The following PRL variants were observed in gnomAD, a reference collection of about 807,000 sequenced individuals.
PRL encodes the protein decidual prolactin.
Under a neutral mutation model 21.3 loss-of-function variants are expected in PRL, and 24 were observed. The observed-to-expected ratio is 1.13, with a 90% CI of 0.82 to 1.59. The LOEUF is 1.59. PRL is among the 40% of genes most tolerant of loss of function. PRL has a pLI of 0.00. For synonymous variants in PRL, 118 were observed against 115.7 expected, an observed-to-expected ratio of 1.02 and a Z score of -0.13; for missense variants, 243 against 286.9, an observed-to-expected ratio of 0.85 and a Z score of 1.10.
intron 2 of PRL, among the ~76,000 whole-genome samples, chr6:22,293,004 A>G (rs1046115873): frequency 1.3e-5 from 2 of 152,240 alleles, no homozygotes; most frequent in African/African-American, 4.8e-5. Context: ...ATCTTTCTTC[A>G]GCATTTGAGC....
chr6:22,293,783 A>AGAAGGAAGGAAGGAGGGAAG (rs1201979770), intron 2 of PRL, among the ~76,000 whole-genome samples: 13 of 129,050 alleles, frequency 1.0e-4, no homozygotes, highest in Non-Finnish European at 6.8e-5. Flanking sequence ...AGGGAAGGGA[A>AGAAGGAAGGAAGGAGGGAAG]GAAGGAAGGA....
intron 2 of PRL, 60 bp downstream of exon 2, chr6:22,294,349 A>G: frequency 1.9e-6 from 3 of 1,594,584 alleles, no homozygotes; most frequent in South Asian, 2.2e-5. Context: ...AACATGTAGC[A>G]GAGCCCAGTA....
chr6:22,289,241 C>G (rs57440488), intron 4 of PRL, among the ~76,000 whole-genome samples: 1,617 of 152,132 alleles, frequency 0.011, 30 homozygotes, highest in African/African-American at 0.037. Flanking sequence ...ATATTTTTCT[C>G]GCATGAAAAT....
At chr6:22,299,404 C>T (rs537809254), upstream of PRL, among the ~76,000 whole-genome samples, 10 of 152,280 alleles carry the variant, frequency 6.6e-5, no homozygotes, top group Non-Finnish European at 7.4e-5. Context: ...TTCTAAAGAA[C>T]GCTAGTTTTT....
intron 4 of PRL, 36 bp downstream of exon 4, chr6:22,290,138 A>T: frequency 6.7e-7 from 1 of 1,494,500 alleles, no homozygotes. Context: ...GCTTATATTA[A>T]TGAGAAAAAC....
upstream of PRL, among the ~76,000 whole-genome samples, chr6:22,300,778 C>A (rs924798639): frequency 2.6e-5 from 4 of 152,122 alleles, no homozygotes; most frequent in East Asian, 3.9e-4. Flanking sequence ...AATAAGAAAA[C>A]CATAGTGGAA....
intron 1 of PRL, among the ~76,000 whole-genome samples, chr6:22,296,224 G>A (rs1761169659): frequency 6.6e-6 from 1 of 152,160 alleles, no homozygotes; most frequent in Admixed American, 6.5e-5. Context: ...AGATAAAATA[G>A]ACACATGTTT....
chr6:22,295,983 C>G (rs939668616), intron 1 of PRL, among the ~76,000 whole-genome samples: 23 of 152,140 alleles, frequency 1.5e-4, no homozygotes, highest in Non-Finnish European at 2.2e-4. Flanking sequence ...CTATTATAGA[C>G]TTTTAATTTT....
chr6:22,300,553 C>A (rs961115328), upstream of PRL, among the ~76,000 whole-genome samples: 1 of 152,172 alleles, frequency 6.6e-6, no homozygotes, highest in Non-Finnish European at 1.5e-5. Context: ...TAGGGTGCTG[C>A]CTCATTCATT....
chr6:22,296,621 T>G (rs929057614), intron 1 of PRL, among the ~76,000 whole-genome samples: 1 of 152,242 alleles, frequency 6.6e-6, no homozygotes, highest in Non-Finnish European at 1.5e-5. Context: ...TTCCTTGTTC[T>G]GGGGGCTGTC....
In PRL at chr6:22,290,331, A is replaced by G; in HGVS notation, c.335T>C (p.Ile112Thr). ...ATTCCAGGATCGCAATATGCTGACT[A>G]TCAGGCTCAGAAAGTCTTTTTGCTA... ...QMNQKDFLSL[I>T]VSILRSWNEP... Residue 112 changes from isoleucine (I) to threonine (T), a missense_variant, in exon 4 of 5, where the codon ATA (isoleucine) becomes ACA (threonine). Physicochemically the swap from Ile to Thr is moderately conservative, Grantham distance 89. Transcript: ENST00000306482. 1 of 1,598,674 alleles carries G rather than the reference A, an allele frequency of 6.3e-7. No individual in the cohort carries two copies. The highest frequency in any genetic ancestry group is 8.6e-7 in the Non-Finnish European group (1 of 1,169,164).
At chr6:22,295,114 T>G (rs1275972153) in intron 1 of PRL, among the ~76,000 whole-genome samples, 1 of 152,230 alleles carries the variant, frequency 6.6e-6, no homozygotes, top group Non-Finnish European at 1.5e-5. Context: ...TTGAAAAGAA[T>G]TCTAACATAA....
rs2113516676 is a variant in PRL at position 22,297,022 on chromosome 6, A to T, written c.-40T>A. 6.2e-7 allele frequency: 1 copy of T among 1,610,542 alleles called. No homozygotes were observed. The highest frequency in any genetic ancestry group is 2.2e-5 in the East Asian group (1 of 44,850). On this transcript the variant is annotated 5_prime_UTR_variant, in exon 1 of 5. Transcript: ENST00000306482. ...CAGGAAACACACTTCACCAGAGAAG[A>T]TCTGGAAGTCTCACGGTTTTCTCTT...
At chr6:22,298,102 T>C (rs1214130701), upstream of PRL, among the ~76,000 whole-genome samples, 1 of 152,186 alleles carries the variant, frequency 6.6e-6, no homozygotes, top group African/African-American at 2.4e-5. Flanking sequence ...CTTACACCCA[T>C]CATTCTGGTA....
chr6:22,292,252 T>C (rs560393763), intron 3 of PRL, among the ~76,000 whole-genome samples: 1 of 152,336 alleles, frequency 6.6e-6, no homozygotes, highest in South Asian at 2.1e-4. Context: ...AGTTCAAACT[T>C]TCATAAACTG....
chr6:22,300,159 G>GT (rs983814134), upstream of PRL, among the ~76,000 whole-genome samples: 13 of 151,922 alleles, frequency 8.6e-5, no homozygotes, highest in African/African-American at 2.4e-4. Flanking sequence ...ATCAATAGTG[G>GT]TTTTTTTTGA....
intron 4 of PRL, 52 bp downstream of exon 4, chr6:22,290,122 G>T: frequency 6.9e-7 from 1 of 1,442,068 alleles, no homozygotes; most frequent in East Asian, 2.3e-5. Context: ...CATCACAGAG[G>T]TCACCGCTTA....
At chr6:22,296,172 T>G (rs1761168960) in intron 1 of PRL, among the ~76,000 whole-genome samples, 1 of 152,248 alleles carries the variant, frequency 6.6e-6, no homozygotes, top group Non-Finnish European at 1.5e-5. Flanking sequence ...AGTACATTTA[T>G]CTGCACATTT....
chr6:22,296,418 A>C (rs1159084281), intron 1 of PRL, among the ~76,000 whole-genome samples: 2 of 152,222 alleles, frequency 1.3e-5, no homozygotes, highest in Non-Finnish European at 2.9e-5. Context: ...GTTAGTGTCT[A>C]TTTTATGGCT....
Sources: gnomAD v4.1 joint callset for allele counts (sites outside exome capture counted in the v4.1 genomes callset) on GRCh38, gnomAD v4.1.1 for gene constraint, MANE v1.5 for transcripts, NCBI Gene and HGNC (gene_info 2026-07-23, HGNC 2026-07-21) for gene names.